DDX46: variants seen among roughly 807,000 people sequenced by gnomAD.
DDX46 encodes the protein probable ATP-dependent RNA helicase DDX46.
DDX46 carries 30 observed loss-of-function variants against 134.9 expected under a neutral mutation model. The observed-to-expected ratio is 0.22, with a 90% CI of 0.17 to 0.30. The LOEUF is 0.30. Among genes scored for constraint, DDX46 ranks in the 10% least tolerant of loss-of-function variants. DDX46 has a pLI of 1.00. For synonymous variants in DDX46, 415 were observed against 404.1 expected (o/e 1.03, Z -0.32); for missense variants, 622 against 1,248.7 (o/e 0.50, Z 7.56).
intron 12 of DDX46, among the ~76,000 whole-genome samples, chr5:134,788,969 T>C (rs1365848602): frequency 6.6e-6 from 1 of 152,208 alleles, no homozygotes; most frequent in Non-Finnish European, 1.5e-5. Flanking sequence ...CTTAATCCAG[T>C]TTTGGCCTGG....
At chr5:134,813,706 CT>C (rs934916881) in intron 18 of DDX46, among the ~76,000 whole-genome samples, 1 of 152,140 alleles carries the variant, frequency 6.6e-6, no homozygotes, top group African/African-American at 2.4e-5. Context: ...ACTCAACTCA[CT>C]GCTGCCTCAG....
In DDX46 at chr5:134,818,953, C is replaced by G. The variant is rs756754322; in HGVS notation, c.2926C>G (p.Pro976Ala). The change falls in exon 21 of 23, where the codon CCT becomes GCT. Residue 976 changes from proline to alanine, a missense_variant. Pro to Ala is a conservative substitution (Grantham distance 27). Transcript: ENST00000452510. ...TACAATCAGAGGAACCTACTTCCCT[C>G]CTGGCAAAGAACCCAAGGAAGGCGA... is the stretch of plus-strand genomic sequence containing the variant. The part of the protein sequence containing the change: ...AITIRGTYFP[P>A]GKEPKEGERK... 7 of 1,613,910 alleles carry G rather than the reference C, an allele frequency of 4.3e-6. No homozygotes were observed. Among genetic ancestry groups the G allele is most frequent in the East Asian group, 2.2e-5 (1 of 44,868 alleles).
chr5:134,773,526 A>G (rs992368824), intron 4 of DDX46, among the ~76,000 whole-genome samples, 170 bp from the exon 5 acceptor site: 4 of 152,162 alleles, frequency 2.6e-5, no homozygotes, highest in African/African-American at 7.2e-5. Context: ...TTGTGTGTAT[A>G]TTTATAAAGG....
rs181328243 is a variant in DDX46, at chr5:134,813,941, A to T, written c.2436+2096A>T. Among the ~76,000 whole-genome samples the T allele has an allele frequency of 3.9e-5, 6 of 152,178 alleles. No individual in the cohort carries two copies. In the East Asian group the frequency reaches 1.2e-3, roughly 29 times the overall value. ...TGCCCAGCCCACTTTCTTCTATTAG[A>T]AGGAAGTCATTAAGTCCAGCCCACA... On this transcript the variant is annotated intron_variant, in intron 18 of 22. Coordinates refer to ENST00000452510, the MANE Select transcript of DDX46 (RefSeq NM_001300860.2).
In DDX46 at chr5:134,785,596, T is replaced by C; in HGVS notation, c.1464+10T>C. ...AGGAATCAGTGAGCAGGTAGTTATA[T>C]AAGAAACATTCATGTTTTCCATTCT... On this transcript the variant is annotated intron_variant, in intron 11 of 22. Transcript: ENST00000452510. 2.5e-6 allele frequency: 4 copies of C among 1,595,848 alleles called. No individual in the cohort carries two copies. Among genetic ancestry groups the C allele is most frequent in the Non-Finnish European group, 3.4e-6 (4 of 1,173,212 alleles).
At chr5:134,798,121 C>A (rs974093083) in intron 15 of DDX46, among the ~76,000 whole-genome samples, 3 of 150,256 alleles carry the variant, frequency 2.0e-5, no homozygotes, top group South Asian at 2.1e-4. Context: ...CCGAAAATGA[C>A]TTTTTTGTGT....
chr5:134,819,451 A>G (rs1755380326), intron 21 of DDX46, among the ~76,000 whole-genome samples: 1 of 152,246 alleles, frequency 6.6e-6, no homozygotes, highest in South Asian at 2.1e-4. Flanking sequence ...ACGGATATAA[A>G]TAATACATTA....
intron 15 of DDX46, among the ~76,000 whole-genome samples, chr5:134,799,157 G>A (rs962708727): frequency 1.3e-5 from 2 of 152,102 alleles, no homozygotes; most frequent in African/African-American, 4.8e-5. Flanking sequence ...GATACTGAGC[G>A]ATGACTACAT....
chr5:134,758,820 G>A lies in DDX46; in HGVS notation c.-119G>A. The A allele has an allele frequency of 6.7e-7, 1 of 1,495,342 alleles. No homozygotes were observed. Among genetic ancestry groups the A allele is most frequent in the Non-Finnish European group, 9.3e-7 (1 of 1,078,542 alleles). 92.6% of individuals were successfully genotyped at this position (1,495,342 alleles called of 1,614,324 possible). A position where few individuals can be genotyped will look rare whatever the true frequency, so the allele number is the denominator to read the frequency against. ...CGCTGGGATGGCCGCCACAGCTGTA[G>A]GTGCTGCTAGTGTTTAGCGCTGGTC... On this transcript the variant is annotated 5_prime_UTR_variant, in exon 1 of 23. Coordinates refer to ENST00000452510, the MANE Select transcript of DDX46 (RefSeq NM_001300860.2).
chr5:134,766,004 C>T (rs1044574350), intron 2 of DDX46, among the ~76,000 whole-genome samples: 1 of 152,108 alleles, frequency 6.6e-6, no homozygotes, highest in Non-Finnish European at 1.5e-5. Flanking sequence ...AGTGAAGTCT[C>T]CATATTTTAT....
At chr5:134,760,556 A>G (rs1341272805) in intron 1 of DDX46, among the ~76,000 whole-genome samples, 1 of 152,208 alleles carries the variant, frequency 6.6e-6, no homozygotes, top group Non-Finnish European at 1.5e-5. Context: ...AATTCTCCTT[A>G]GCAGCAATGA....
rs370456919 is a variant in DDX46, at chr5:134,781,974, A to T, written c.933A>T (p.Gln311His). 2 of 1,611,640 alleles carry T rather than the reference A, an allele frequency of 1.2e-6. No individual in the cohort carries two copies. The highest frequency in any genetic ancestry group is 2.2e-5 in the East Asian group (1 of 44,846). ...TTCAGACAGCCCTTACAGGGTATCA[A>T]ACAAAACAGCGAAAGCTTCTAGAAC... ...VDLQTALTGY[Q>H]TKQRKLLEPV... The change falls in exon 8 of 23, where the codon CAA (glutamine) becomes CAT (histidine). Residue 311 changes from glutamine (Q) to histidine (H), a missense_variant. This residue lies in a region of DDX46 where 63 missense variants were observed against 84.0 expected (regional missense o/e 0.75). Transcript: ENST00000452510.
chr5:134,788,677 G>T, intron 12 of DDX46, 86 bp downstream of exon 12: 1 of 1,217,246 alleles, frequency 8.2e-7, no homozygotes, highest in Admixed American at 1.9e-5. Flanking sequence ...ACCAACAAAG[G>T]GTTTCTATAT....
intron 1 of DDX46, among the ~76,000 whole-genome samples, chr5:134,759,458 T>C (rs1202665830): frequency 1.3e-5 from 2 of 152,228 alleles, no homozygotes; most frequent in African/African-American, 2.4e-5. Context: ...TAAATACTTG[T>C]TGCGTGGGCA....
At chr5:134,800,825 G>A (rs1295951655) in intron 15 of DDX46, among the ~76,000 whole-genome samples, 4 of 152,044 alleles carry the variant, frequency 2.6e-5, no homozygotes, top group African/African-American at 9.7e-5. Context: ...ACCGGCATGT[G>A]CCACCTCGTC....
chr5:134,781,563 T>C (rs1338371917), intron 7 of DDX46, among the ~76,000 whole-genome samples: 2 of 152,126 alleles, frequency 1.3e-5, no homozygotes, highest in Non-Finnish European at 1.5e-5. Flanking sequence ...ATTTATATAG[T>C]AAAAACAGTA....
intron 16 of DDX46, 44 bp from the exon 17 acceptor site, chr5:134,811,177 A>G (rs1442709856): frequency 5.1e-6 from 8 of 1,579,768 alleles, no homozygotes; most frequent in Non-Finnish European, 6.9e-6. Flanking sequence ...AGTAGGATCC[A>G]TCTTGTTAGT....
At chr5:134,803,763 A>G (rs1219709443) in intron 15 of DDX46, among the ~76,000 whole-genome samples, 1 of 152,020 alleles carries the variant, frequency 6.6e-6, no homozygotes, top group Non-Finnish European at 1.5e-5. Flanking sequence ...TTTCTCCTAC[A>G]TTGTTGGGAA....
At chr5:134,772,100 G>C (rs186111603) in intron 4 of DDX46, among the ~76,000 whole-genome samples, 4 of 151,960 alleles carry the variant, frequency 2.6e-5, no homozygotes, top group African/African-American at 7.2e-5. Context: ...GCGTGATGGC[G>C]CATGCCTGTA....
Sources: allele counts gnomAD v4.1 joint callset (sites outside exome capture counted in the v4.1 genomes callset), GRCh38; gene constraint gnomAD v4.1.1; regional missense constraint gnomAD v4.1.1; transcripts MANE v1.5; gene names NCBI Gene and HGNC (gene_info 2026-07-23, HGNC 2026-07-21).